Variants in PCYT1B observed in about 807,000 individuals in gnomAD.
PCYT1B encodes the protein choline-phosphate cytidylyltransferase B.
In PCYT1B, 10 loss-of-function variants were observed where a neutral mutation model predicts 26.4. The ratio of observed to expected loss-of-function variants is 0.38; its 90% confidence interval spans 0.23 to 0.64. The LOEUF is 0.64. PCYT1B is among the 30% of genes least tolerant of loss of function. The pLI is 0.56. For synonymous variants in PCYT1B, 131 were observed against 108.4 expected, an observed-to-expected ratio of 1.21 and a Z score of -1.29; for missense variants, 161 against 292.7, an observed-to-expected ratio of 0.55 and a Z score of 3.28.
At position 24,561,042 on chromosome X, in the gene PCYT1B, T is replaced by C. The variant is rs773117404; in HGVS notation, c.*1251A>G. The C allele has an allele frequency of 4.4e-5, 5 of 112,576 alleles. No individual in the cohort carries two copies. The South Asian group carries it at 1.1e-3, about 25-fold the overall frequency. 9.3% of individuals were successfully genotyped at this position (112,576 alleles called of 1,213,427 possible). A position where few individuals can be genotyped will look rare whatever the true frequency, so the allele number is the denominator to read the frequency against. ...GATCATAACTGAGCCCACAGTTCTC[T>C]GTAAAAAGTCTTGAGTTCTCCTTCA... On this transcript the variant is annotated 3_prime_UTR_variant, in exon 8 of 8. Transcript: ENST00000379144.
chrX:24,654,463 AT>A (rs1275613004), intron 1 of PCYT1B, among the ~76,000 whole-genome samples: 1 of 100,493 alleles, frequency 1.0e-5, no homozygotes, highest in Non-Finnish European at 2.0e-5. Flanking sequence ...CAAACAAGAA[AT>A]TTATGGCGGG....
chrX:24,595,126 C>G (rs1014742641), intron 3 of PCYT1B, among the ~76,000 whole-genome samples: 2 of 109,040 alleles, frequency 1.8e-5, no homozygotes, highest in Admixed American at 1.0e-4. Flanking sequence ...GCCCCCTACT[C>G]CAAGCAGGTA....
chrX:24,640,813 C>T (rs1346902560), intron 1 of PCYT1B, among the ~76,000 whole-genome samples: 1 of 111,700 alleles, frequency 9.0e-6, no homozygotes, highest in Non-Finnish European at 1.9e-5. Flanking sequence ...GAACTAGACA[C>T]CTCCAAGTGG....
chrX:24,569,945 A>G (rs935948383), intron 7 of PCYT1B, among the ~76,000 whole-genome samples: 5 of 111,543 alleles, frequency 4.5e-5, no homozygotes, highest in Admixed American at 1.9e-4. Context: ...GCACTTCGGG[A>G]GGCTGAGGCA....
chrX:24,668,605 G>A (rs944585676), intron 1 of PCYT1B, among the ~76,000 whole-genome samples: 4 of 110,127 alleles, frequency 3.6e-5, no homozygotes, highest in Non-Finnish European at 7.6e-5. Flanking sequence ...AGAAGTGAGG[G>A]CTTTGGAATT....
intron 7 of PCYT1B, among the ~76,000 whole-genome samples, chrX:24,563,629 G>A (rs1023997789): frequency 9.9e-5 from 11 of 111,505 alleles, no homozygotes; most frequent in African/African-American, 3.6e-4. Context: ...TCCCAGGAGA[G>A]GAGGAGGCCA....
chrX:24,568,558 T>A (rs2092871433), intron 7 of PCYT1B, among the ~76,000 whole-genome samples: 1 of 110,254 alleles, frequency 9.1e-6, no homozygotes, highest in Non-Finnish European at 1.9e-5. Context: ...TCTCAAAAAA[T>A]ATAGATTTTA....
upstream of PCYT1B, among the ~76,000 whole-genome samples, chrX:24,651,679 C>T (rs1420252823): frequency 9.6e-6 from 1 of 104,179 alleles, no homozygotes; most frequent in Non-Finnish European, 2.0e-5. Flanking sequence ...CACGCAACCA[C>T]GCCTGGCTAA....
At chrX:24,645,308 A>C (rs1926587506) in intron 1 of PCYT1B, among the ~76,000 whole-genome samples, 1 of 110,903 alleles carries the variant, frequency 9.0e-6, no homozygotes, top group African/African-American at 3.3e-5. Context: ...TTTAAAAAAT[A>C]TATTTTTGGG....
chrX:24,630,953 T>G (rs1439820275), intron 1 of PCYT1B, among the ~76,000 whole-genome samples: 2 of 111,167 alleles, frequency 1.8e-5, no homozygotes, highest in Admixed American at 1.9e-4. Flanking sequence ...GACGGAGTCT[T>G]GCATTGTTGC....
chrX:24,569,071 C>T (rs1002983647), intron 7 of PCYT1B, among the ~76,000 whole-genome samples: 3 of 111,158 alleles, frequency 2.7e-5, no homozygotes, highest in African/African-American at 9.8e-5. Flanking sequence ...TGCACTCCAG[C>T]CTGGGTGACA....
chrX:24,590,080 G>A lies in PCYT1B; in HGVS notation c.429C>T (p.Asp143=), dbSNP rs758035054. 4 of 1,205,339 alleles carry A rather than the reference G, an allele frequency of 3.3e-6. No homozygotes were observed. Among genetic ancestry groups the A allele is most frequent in the African/African-American group, 3.5e-5 (2 of 57,142 alleles). The change falls in exon 4 of 8, where the codon GAC becomes GAT. Residue 143 remains aspartate, a synonymous_variant. Coordinates refer to ENST00000379144, the MANE Select transcript of PCYT1B (RefSeq NM_004845.5). ...YEALRHCRYV[D]EVIRDAPWTL... Reference sequence around the variant, plus strand: ...TCCAGGGAGCATCTCTGATAACTTCGTCTACGTAGCGACAGTGTCTGAGAG... The same window carrying A: ...TCCAGGGAGCATCTCTGATAACTTCATCTACGTAGCGACAGTGTCTGAGAG...
rs756195183 is a variant in PCYT1B, at chrX:24,562,317, G to A, written c.1086C>T (p.Ser362=). The A allele has an allele frequency of 7.3e-5, 85 of 1,158,625 alleles. 1 individual carries two copies. Among genetic ancestry groups the A allele is most frequent in the Non-Finnish European group, 8.0e-5 (70 of 869,610 alleles). ...TCTACTTTTCATCCTCATCCCCCTC[G>A]CTCATGCTGCTGATAGAGGCTGAGG... The part of the protein sequence containing the change: ...KAASASISSM[S]EGDEDEK Residue 362 remains serine (S), a synonymous_variant, in exon 8 of 8, where the codon AGC becomes AGT. Coordinates refer to ENST00000379144, the MANE Select transcript of PCYT1B (RefSeq NM_004845.5).
At chrX:24,645,480 C>T (rs1926594478) in intron 1 of PCYT1B, among the ~76,000 whole-genome samples, 1 of 110,772 alleles carries the variant, frequency 9.0e-6, no homozygotes, top group African/African-American at 3.3e-5. Flanking sequence ...CACTTGAGTC[C>T]AGGAGTTCAA....
chrX:24,609,935 A>T (rs1040559716), intron 2 of PCYT1B, among the ~76,000 whole-genome samples: 1 of 110,530 alleles, frequency 9.0e-6, no homozygotes, highest in Non-Finnish European at 1.9e-5. Flanking sequence ...TCTACTAAAA[A>T]TACAAAAATT....
intron 5 of PCYT1B, among the ~76,000 whole-genome samples, chrX:24,583,698 T>C (rs1924275184): frequency 8.9e-6 from 1 of 112,047 alleles, no homozygotes; most frequent in Admixed American, 9.5e-5. Context: ...ACCAAATGCT[T>C]ATTCCTATAC....
intron 1 of PCYT1B, among the ~76,000 whole-genome samples, chrX:24,633,538 G>A (rs1336891679): frequency 4.5e-5 from 5 of 110,409 alleles, no homozygotes; most frequent in South Asian, 3.9e-4. Context: ...GCCGGGCGTC[G>A]TTACATGCGC....
At chrX:24,611,841 C>T (rs1487780224) in intron 2 of PCYT1B, among the ~76,000 whole-genome samples, 3 of 110,163 alleles carry the variant, frequency 2.7e-5, no homozygotes, top group African/African-American at 6.6e-5. Context: ...GGCGTGGTGG[C>T]GGACGCTTAT....
At chrX:24,634,913 C>A (rs1456051891) in intron 1 of PCYT1B, among the ~76,000 whole-genome samples, 1 of 112,013 alleles carries the variant, frequency 8.9e-6, no homozygotes, top group Non-Finnish European at 1.9e-5. Context: ...CCACGACAAC[C>A]CAATCTGATC....
Sources: gnomAD v4.1 joint callset for allele counts (sites outside exome capture counted in the v4.1 genomes callset) on GRCh38, gnomAD v4.1.1 for gene constraint, MANE v1.5 for transcripts, NCBI Gene and HGNC (gene_info 2026-07-23, HGNC 2026-07-21) for gene names.